The following OSMR variants were observed in gnomAD, a reference collection of about 807,000 sequenced individuals.
OSMR encodes oncostatin-M-specific receptor subunit beta.
A neutral mutation model predicts 99.9 loss-of-function variants in OSMR; 81 were observed. The ratio of observed to expected loss-of-function variants is 0.81; its 90% confidence interval spans 0.68 to 0.97. The LOEUF (loss-of-function observed/expected upper bound fraction) is 0.97. Among genes scored for constraint, OSMR ranks in the 50% least tolerant of loss-of-function variants. The pLI is 0.00. For missense variants in OSMR, 1,099 were observed against 1,153.4 expected (o/e 0.95, Z 0.68); for synonymous variants, 406 against 410.4 (o/e 0.99, Z 0.13).
Position 38,891,615 on chromosome 5 carries a change from T to G in OSMR, c.991+5425T>G, listed in dbSNP as rs3792859. Among the ~76,000 whole-genome samples the G allele has an allele frequency of 5.3e-5, 8 of 152,248 alleles. No individual in the cohort carries two copies. The East Asian group carries it at 1.5e-3, about 29-fold the overall frequency. ...AATCCACACTTACACCATGGACCTTTGTAATCCTGGGCACATGAGAACCCA... is the reference window on the plus strand; with the variant it reads ...AATCCACACTTACACCATGGACCTTGGTAATCCTGGGCACATGAGAACCCA... On this transcript the variant is annotated intron_variant, in intron 7 of 17. Coordinates refer to ENST00000274276, the MANE Select transcript of OSMR (RefSeq NM_003999.3).
chr5:38,881,766 TAAG>T lies in OSMR; in HGVS notation c.418+6_418+8del, dbSNP rs1258028646. 1.2e-6 allele frequency: 2 copies of T among 1,612,876 alleles called. No individual in the cohort carries two copies. Among genetic ancestry groups the T allele is most frequent in the Non-Finnish European group, 1.7e-6 (2 of 1,178,978 alleles). On this transcript the variant is annotated splice_donor_5th_base_variant and intron_variant, in intron 4 of 17. Transcript: ENST00000274276. ...GGAGTTCCTGGGAGGAAGTCAGTGG[TAAG>T]AAGTGAGGTGGTTACAAGAGTGAAA...
intron 1 of OSMR, among the ~76,000 whole-genome samples, chr5:38,855,473 C>T (rs894069065): frequency 5.3e-5 from 8 of 152,096 alleles, no homozygotes; most frequent in East Asian, 1.9e-4. Flanking sequence ...GTGTGTTACT[C>T]CCACACTCCT....
chr5:38,933,087 T>C lies in OSMR; in HGVS notation c.2583T>C (p.Tyr861=). Residue 861 remains tyrosine, a synonymous_variant, in exon 18 of 18, where the codon TAT becomes TAC. Transcript: ENST00000274276. The part of the protein sequence containing the change: ...GPCICFENLT[Y]NQAASDSGSC... ...GCATCTGTTTTGAGAACTTGACCTA[T>C]AACCAGGCAGCTTCTGACTCTGGCT... 1 of 1,614,190 alleles carries C rather than the reference T, an allele frequency of 6.2e-7. No homozygotes were observed. The highest frequency in any genetic ancestry group is 8.5e-7 in the Non-Finnish European group (1 of 1,180,030).
intron 7 of OSMR, among the ~76,000 whole-genome samples, chr5:38,896,549 A>C (rs545392174): frequency 6.6e-6 from 1 of 152,146 alleles, no homozygotes; most frequent in South Asian, 2.1e-4. Flanking sequence ...TTTCTTGGTG[A>C]AGTCTTTAAG....
intron 7 of OSMR, among the ~76,000 whole-genome samples, chr5:38,895,430 A>G (rs1368201029): frequency 6.6e-6 from 1 of 152,046 alleles, no homozygotes; most frequent in African/African-American, 2.4e-5. Flanking sequence ...TGCAAATTGT[A>G]TTTCTTCTTT....
At chr5:38,912,191 G>A (rs1231537665) in intron 9 of OSMR, among the ~76,000 whole-genome samples, 1 of 152,074 alleles carries the variant, frequency 6.6e-6, no homozygotes, top group African/African-American at 2.4e-5. Context: ...CTGCATAAAA[G>A]CTCCTAGATC....
chr5:38,923,265 A>G lies in OSMR; in HGVS notation c.1870+11A>G, dbSNP rs1449082049. On this transcript the variant is annotated intron_variant, in intron 13 of 17. Coordinates refer to ENST00000274276, the MANE Select transcript of OSMR (RefSeq NM_003999.3). The stretch of plus-strand genomic sequence containing the variant: ...ACTCTCAGGAACTTGGTAAGTTTAA[A>G]GCATGTAATGTGCCCCATGTGCAGA... 1 of 1,489,138 alleles carries G rather than the reference A, an allele frequency of 6.7e-7. No homozygotes were observed. Among genetic ancestry groups the G allele is most frequent in the Non-Finnish European group, 9.4e-7 (1 of 1,066,460 alleles). The allele number at this position is 1,489,138 out of a possible 1,614,324, so 92.2% of individuals were successfully genotyped here.
chr5:38,944,427 A>G, intron 2 of OSMR: 1 of 1,589,156 alleles, frequency 6.3e-7, no homozygotes, highest in Non-Finnish European at 8.5e-7. Flanking sequence ...AATAATACTC[A>G]TGCACATAGT....
chr5:38,885,266 T>G, intron 5 of OSMR, 83 bp from the exon 6 acceptor site: 2 of 1,597,764 alleles, frequency 1.3e-6, no homozygotes, highest in South Asian at 2.2e-5. Context: ...ACTCTGTGGC[T>G]TCAGACTCTA....
At chr5:38,921,955 G>A (rs771906330) in intron 12 of OSMR, among the ~76,000 whole-genome samples, 161 bp downstream of exon 12, 2 of 152,178 alleles carry the variant, frequency 1.3e-5, no homozygotes, top group Non-Finnish European at 2.9e-5. Context: ...ACAAGAATAT[G>A]TTCTAAAACT....
chr5:38,931,788 CAT>C, intron 15 of OSMR, 93 bp from the exon 16 acceptor site: 2 of 1,560,660 alleles, frequency 1.3e-6, no homozygotes, highest in Non-Finnish European at 8.7e-7. Context: ...AAATAATAAA[CAT>C]GTAAAATTAC....
At chr5:38,926,087 T>C (rs761634540) in intron 15 of OSMR, among the ~76,000 whole-genome samples, 10 of 152,104 alleles carry the variant, frequency 6.6e-5, no homozygotes, top group Non-Finnish European at 1.3e-4. Flanking sequence ...AACAGGAATG[T>C]GGTGAGAGAA....
At position 38,852,718 on chromosome 5, in the gene OSMR, A is replaced by ATTTTTTTTTTTTTTTTTTTTTT. The variant is rs61559728; in HGVS notation, c.-14+6340_-14+6361dup. ...GATACATATTGAAACTATTGTTTTC[A>ATTTTTTTTTTTTTTTTTTTTTT]TTTTTTTTTTTTTTTTTTTTTTTTT... is the stretch of plus-strand genomic sequence containing the variant. On this transcript the variant is annotated intron_variant, in intron 1 of 17. Coordinates refer to ENST00000274276, the MANE Select transcript of OSMR (RefSeq NM_003999.3). Among the ~76,000 whole-genome samples the ATTTTTTTTTTTTTTTTTTTTTT allele has an allele frequency of 3.7e-4, 26 of 70,658 alleles. 6 individuals are homozygous for ATTTTTTTTTTTTTTTTTTTTTT. The highest frequency in any genetic ancestry group is 9.6e-4 in the African/African-American group (18 of 18,654). 46.4% of individuals were successfully genotyped at this position (70,658 alleles called of 152,430 possible). A position where few individuals can be genotyped will look rare whatever the true frequency, so the allele number is the denominator to read the frequency against.
intron 1 of OSMR, among the ~76,000 whole-genome samples, chr5:38,847,959 C>T (rs1030448164): frequency 6.6e-6 from 1 of 152,146 alleles, no homozygotes; most frequent in Non-Finnish European, 1.5e-5. Context: ...TTTCTTTAAC[C>T]TGAACAGACC....
At position 38,876,385 on chromosome 5, in the gene OSMR, T is replaced by A; in HGVS notation, c.246+12T>A. ...ATGTCATCTGGGTGGTAAGTAATTTTTTTGGCTCAATATTTAAAAAATCAT... is the reference window on the plus strand; with the variant it reads ...ATGTCATCTGGGTGGTAAGTAATTTATTTGGCTCAATATTTAAAAAATCAT... On this transcript the variant is annotated intron_variant, in intron 3 of 17. Transcript: ENST00000274276. 1 of 1,609,254 alleles carries A rather than the reference T, an allele frequency of 6.2e-7. No individual in the cohort carries two copies. The highest frequency in any genetic ancestry group is 8.5e-7 in the Non-Finnish European group (1 of 1,176,316).
chr5:38,873,816 CTTATT>C (rs1475218756), intron 2 of OSMR, among the ~76,000 whole-genome samples: 2 of 151,856 alleles, frequency 1.3e-5, no homozygotes, highest in Admixed American at 1.3e-4. Flanking sequence ...AGTCTTTTGA[CTTATT>C]TTATTTTATT....
intron 12 of OSMR, among the ~76,000 whole-genome samples, chr5:38,922,519 G>A (rs117533362): frequency 6.0e-4 from 91 of 152,200 alleles, no homozygotes; most frequent in African/African-American, 2.0e-3. Context: ...GCCAAAGAAG[G>A]GCTTGGTTTT....
chr5:38,928,667 T>C (rs1022666145), intron 15 of OSMR, among the ~76,000 whole-genome samples: 2 of 152,082 alleles, frequency 1.3e-5, no homozygotes, highest in Admixed American at 1.3e-4. Context: ...CAATTTGAGA[T>C]GAAATTTGGG....
In OSMR at chr5:38,924,430, G is replaced by A. The variant is rs1012269537; in HGVS notation, c.1879G>A (p.Asp627Asn). ...TGYSQELAPS[D>N]NPHVLVDTLT... ...CCAACTTCTTTTCCTAGCTCCTTCA[G>A]ACAACCCTCACGTGCTGGTGGATAC... Residue 627 changes from aspartate (D) to asparagine (N), a missense_variant, in exon 14 of 18, where the codon GAC (aspartate) becomes AAC (asparagine). Coordinates refer to ENST00000274276, the MANE Select transcript of OSMR (RefSeq NM_003999.3). 3 of 1,613,940 alleles carry A rather than the reference G, an allele frequency of 1.9e-6. No individual in the cohort carries two copies. The highest frequency in any genetic ancestry group is 1.3e-5 in the African/African-American group (1 of 74,888).
Sources: allele counts gnomAD v4.1 joint callset (sites outside exome capture counted in the v4.1 genomes callset), GRCh38; gene constraint gnomAD v4.1.1; transcripts MANE v1.5; gene names NCBI Gene and HGNC (gene_info 2026-07-23, HGNC 2026-07-21).